Variants in ZRANB1 observed in about 807,000 individuals in gnomAD.
ZRANB1 encodes zinc finger RANBP2-type containing 1.
Under a neutral mutation model 80.5 loss-of-function variants are expected in ZRANB1, and 16 were observed. The ratio of observed to expected loss-of-function variants is 0.20; its 90% CI spans 0.13 to 0.30. The LOEUF is 0.30. Among genes scored for constraint, ZRANB1 ranks in the 10% least tolerant of loss-of-function variants. The probability of loss-of-function intolerance (pLI) is 1.00; values close to 1 mark genes in which losing one functional copy is unlikely to be tolerated. For missense variants in ZRANB1, 576 were observed against 862.6 expected, an observed-to-expected ratio of 0.67 and a Z score of 4.16; for synonymous variants, 291 against 293.1, an observed-to-expected ratio of 0.99 and a Z score of 0.07.
intron 5 of ZRANB1, among the ~76,000 whole-genome samples, chr10:124,977,543 C>T (rs761765112): frequency 6.6e-6 from 1 of 151,422 alleles, no homozygotes; most frequent in African/African-American, 2.4e-5. Flanking sequence ...AACCCTGTCT[C>T]CACCAAAAAA....
chr10:124,946,801 A>G (rs758428857), intron 1 of ZRANB1, among the ~76,000 whole-genome samples: 2 of 152,236 alleles, frequency 1.3e-5, no homozygotes, highest in Non-Finnish European at 2.9e-5. Context: ...TTGAGCAGTA[A>G]GACTAACAGA....
the ZRANB1 span, among the ~76,000 whole-genome samples, chr10:124,927,700 GTAAAC>G: frequency 6.6e-6 from 1 of 152,174 alleles, no homozygotes; most frequent in Admixed American, 6.5e-5. Context: ...TCATAATTCA[GTAAAC>G]TAAGAACTAT....
upstream of ZRANB1, chr10:124,940,534 G>A (rs1415584012): frequency 1.6e-6 from 2 of 1,289,204 alleles, no homozygotes; most frequent in African/African-American, 1.5e-5. Context: ...TATAGCGTGG[G>A]AACTAAAATC....
At chr10:124,972,148 T>C (rs1349412718) in intron 3 of ZRANB1, 30 bp downstream of exon 3, 15 of 1,598,670 alleles carry the variant, frequency 9.4e-6, no homozygotes, top group African/African-American at 1.4e-5. Context: ...TAAAAAGACT[T>C]TTTTATTTTA....
At chr10:124,935,269 A>G in the ZRANB1 span, among the ~76,000 whole-genome samples, 6 of 152,216 alleles carry the variant, frequency 3.9e-5, no homozygotes, top group African/African-American at 1.4e-4. Flanking sequence ...AGAGAAAAAC[A>G]TGTAATAGGT....
the ZRANB1 span, among the ~76,000 whole-genome samples, chr10:124,933,692 A>G: frequency 6.6e-6 from 1 of 152,164 alleles, no homozygotes; most frequent in African/African-American, 2.4e-5. Flanking sequence ...ATAGGTTGTT[A>G]CATTAGTTTT....
the ZRANB1 span, among the ~76,000 whole-genome samples, chr10:124,932,727 G>A: frequency 1.4e-5 from 2 of 147,952 alleles, no homozygotes; most frequent in African/African-American, 5.0e-5. Context: ...GATGTATGGT[G>A]TATTTTTGTA....
At chr10:124,973,824 TTTAAA>T (rs751486934) in intron 4 of ZRANB1, 108 bp downstream of exon 4, 146 of 989,190 alleles carry the variant, frequency 1.5e-4, no homozygotes, top group South Asian at 5.6e-4. Context: ...TTATTTTTAT[TTTAAA>T]TTAAAGACGT....
Position 124,985,128 on chromosome 10 carries a change from G to T in ZRANB1, c.*136G>T. The T allele has an allele frequency of 1.5e-6, 1 of 663,868 alleles. No individual in the cohort carries two copies. The highest frequency in any genetic ancestry group is 2.7e-5 in the East Asian group (1 of 36,680). The allele number at this position is 663,868 out of a possible 1,614,324, so 41.1% of individuals were successfully genotyped here. A position where few individuals can be genotyped will look rare whatever the true frequency, so the allele number is the denominator to read the frequency against. On this transcript the variant is annotated 3_prime_UTR_variant, in exon 9 of 9. Transcript: ENST00000359653. Reference sequence around the variant, plus strand: ...ATCTGCTCGGGGAAGTGTTTTCCTGGACCACACACACCTTATGGAGATAAT... The same window carrying T: ...ATCTGCTCGGGGAAGTGTTTTCCTGTACCACACACACCTTATGGAGATAAT...
chr10:124,925,518 A>G, the ZRANB1 span, among the ~76,000 whole-genome samples: 4 of 152,112 alleles, frequency 2.6e-5, no homozygotes, highest in South Asian at 4.1e-4. Flanking sequence ...TGTATTTGCA[A>G]ATACTTTCTT....
At chr10:124,935,271 G>C in the ZRANB1 span, among the ~76,000 whole-genome samples, 1 of 152,188 alleles carries the variant, frequency 6.6e-6, no homozygotes, top group Non-Finnish European at 1.5e-5. Context: ...AGAAAAACAT[G>C]TAATAGGTTT....
chr10:124,976,101 A>G (rs1656257188), intron 5 of ZRANB1, among the ~76,000 whole-genome samples: 1 of 152,228 alleles, frequency 6.6e-6, no homozygotes, highest in Non-Finnish European at 1.5e-5. Context: ...TGGATGTATA[A>G]TAAAGCTAAA....
intron 5 of ZRANB1, 30 bp from the exon 6 acceptor site, chr10:124,981,679 A>G: frequency 1.3e-6 from 2 of 1,567,514 alleles, no homozygotes; most frequent in African/African-American, 1.4e-5. Context: ...AAGACTATTT[A>G]TTTATTTTTT....
intron 1 of ZRANB1, among the ~76,000 whole-genome samples, chr10:124,959,251 C>T (rs951027560): frequency 3.9e-5 from 6 of 152,028 alleles, no homozygotes; most frequent in Non-Finnish European, 8.8e-5. Flanking sequence ...AATAGTGTTT[C>T]TATTAGTGAG....
intron 1 of ZRANB1, among the ~76,000 whole-genome samples, chr10:124,959,018 G>C (rs1052499777): frequency 1.3e-5 from 2 of 152,106 alleles, no homozygotes; most frequent in African/African-American, 2.4e-5. Flanking sequence ...CCTTTTCTTT[G>C]TTCATTCATT....
Position 124,942,205 on chromosome 10 carries a change from TCCTG to T in ZRANB1, c.-285_-282del, listed in dbSNP as rs1951541927. Reference sequence around the variant, plus strand: ...TTCTTAGATCAAACCTCGTTATATCTCCTGCCTATCTCTTTTGCATTCCAAAGTT... The same window carrying T: ...TTCTTAGATCAAACCTCGTTATATCTCCTATCTCTTTTGCATTCCAAAGTT... On this transcript the variant is annotated 5_prime_UTR_variant, in exon 1 of 9. The change creates a premature stop within an existing upstream ORF in the 5' untranslated region. Transcript: ENST00000359653. 8.2e-7 allele frequency: 1 copy of T among 1,222,934 alleles called. No homozygotes were observed. Among genetic ancestry groups the T allele is most frequent in the Non-Finnish European group, 1.0e-6 (1 of 975,186 alleles). 75.8% of individuals were successfully genotyped at this position (1,222,934 alleles called of 1,614,324 possible).
upstream of ZRANB1, chr10:124,940,456 G>GA: frequency 8.0e-7 from 1 of 1,257,488 alleles, no homozygotes; most frequent in Non-Finnish European, 1.0e-6. Flanking sequence ...CCAGCATGAA[G>GA]ACGGAATCTT....
chr10:124,975,655 AC>A (rs1198274348), intron 5 of ZRANB1, among the ~76,000 whole-genome samples: 1 of 152,202 alleles, frequency 6.6e-6, no homozygotes, highest in Non-Finnish European at 1.5e-5. Context: ...GGCATGAGCC[AC>A]CGTGCCCGGC....
At chr10:124,966,319 A>G (rs1302969562) in intron 1 of ZRANB1, among the ~76,000 whole-genome samples, 2 of 152,026 alleles carry the variant, frequency 1.3e-5, no homozygotes, top group Non-Finnish European at 1.5e-5. Flanking sequence ...CTTCGATCCA[A>G]TTCATGCAGC....
Sources: gnomAD v4.1 joint callset for allele counts (sites outside exome capture counted in the v4.1 genomes callset) on GRCh38, gnomAD v4.1.1 for gene constraint, MANE v1.5 for transcripts, NCBI Gene and HGNC (gene_info 2026-07-23, HGNC 2026-07-21) for gene names.